The following GSE1 variants were observed in gnomAD, a reference collection of about 807,000 sequenced individuals.
GSE1 encodes genetic suppressor element 1.
Under a neutral mutation model 112.6 loss-of-function variants are expected in GSE1, and 32 were observed. The observed-to-expected ratio is 0.28, with a 90% CI of 0.21 to 0.38. GSE1 has a LOEUF of 0.38. Among genes scored for constraint, GSE1 ranks in the 10% least tolerant of loss-of-function variants. The probability of loss-of-function intolerance (pLI) is 1.00; values close to 1 mark genes in which losing one functional copy is unlikely to be tolerated. For missense variants in GSE1, 2,348 were observed against 1,699.2 expected, an observed-to-expected ratio of 1.38 and a Z score of -6.71; for synonymous variants, 1,115 against 735.6, an observed-to-expected ratio of 1.52 and a Z score of -8.35.
At chr16:85,349,048 C>T (rs879496161) in intron 1 of GSE1, among the ~76,000 whole-genome samples, 5 of 152,186 alleles carry the variant, frequency 3.3e-5, no homozygotes, top group Admixed American at 6.5e-5. Flanking sequence ...CTCTCCCGCG[C>T]GATCTGCCGT....
intron 2 of GSE1, among the ~76,000 whole-genome samples, chr16:85,378,342 C>T (rs920273424): frequency 6.6e-6 from 1 of 152,180 alleles, no homozygotes; most frequent in Non-Finnish European, 1.5e-5. Flanking sequence ...TTGGGGCAGC[C>T]TCCTGGGGGC....
At chr16:85,534,572 G>A (rs929599047) in intron 2 of GSE1, among the ~76,000 whole-genome samples, 1 of 152,152 alleles carries the variant, frequency 6.6e-6, no homozygotes. Context: ...TTTTAAGGCA[G>A]AGCCATCTTC....
At chr16:85,275,944 G>C (rs1277149646) in intron 1 of GSE1, among the ~76,000 whole-genome samples, 3 of 152,244 alleles carry the variant, frequency 2.0e-5, no homozygotes, top group Non-Finnish European at 2.9e-5. Context: ...CAGAGCTATA[G>C]GCAAAGTCAG....
intron 2 of GSE1, among the ~76,000 whole-genome samples, chr16:85,477,564 T>TG (rs2050497318): frequency 1.8e-5 from 2 of 110,628 alleles, no homozygotes; most frequent in South Asian, 5.5e-4. Flanking sequence ...GGTTTTTTTT[T>TG]TGTTTTTTTT....
intron 2 of GSE1, among the ~76,000 whole-genome samples, chr16:85,381,077 C>G (rs2047536352): frequency 6.6e-6 from 1 of 152,240 alleles, no homozygotes; most frequent in African/African-American, 2.4e-5. Flanking sequence ...AAAAGGAAAT[C>G]CCAGACGCAT....
intron 1 of GSE1, among the ~76,000 whole-genome samples, chr16:85,581,500 T>TGTTTCTG (rs145406198): frequency 0.032 from 4,850 of 152,234 alleles, 254 homozygotes; most frequent in African/African-American, 0.11. Flanking sequence ...TCAGGCCCTC[T>TGTTTCTG]GTTTCTGGAG....
At chr16:85,177,118 A>G (rs1160444340) in intron 1 of GSE1, among the ~76,000 whole-genome samples, 1 of 152,226 alleles carries the variant, frequency 6.6e-6, no homozygotes, top group East Asian at 1.9e-4. Flanking sequence ...GGAGAAAACC[A>G]GGGGAAGGAG....
intron 2 of GSE1, among the ~76,000 whole-genome samples, chr16:85,640,549 C>T (rs1461051000): frequency 6.6e-6 from 1 of 152,154 alleles, no homozygotes; most frequent in Non-Finnish European, 1.5e-5. Context: ...CTGTCCTGTC[C>T]CTGGTGCCAC....
rs1027282188 is a variant in GSE1, at chr16:85,519,725, C to T, written c.2465-114189C>T. Among the ~76,000 whole-genome samples, 4 of 146,000 alleles carry T rather than the reference C, an allele frequency of 2.7e-5. No individual in the cohort carries two copies. The South Asian group carries it at 8.9e-4, about 33-fold the overall frequency. The stretch of plus-strand genomic sequence containing the variant: ...GTCTCCATCACTGTCATCATCATCA[C>T]CATCACCATCACCACCATCAGCATC... On this transcript the variant is annotated intron_variant, in intron 2 of 2. Transcript: ENST00000637419.
chr16:85,398,016 G>A (rs2048008310), intron 2 of GSE1, among the ~76,000 whole-genome samples: 2 of 152,178 alleles, frequency 1.3e-5, no homozygotes. Context: ...AGACCTTGGT[G>A]TATTCTCAGA....
chr16:85,669,547 C>T (rs916118899), intron 14 of GSE1, among the ~76,000 whole-genome samples: 4 of 152,194 alleles, frequency 2.6e-5, no homozygotes, highest in South Asian at 2.1e-4. Flanking sequence ...TGCGCACCAC[C>T]CCCTACATGT....
chr16:85,473,226 G>A (rs983985234), intron 2 of GSE1, among the ~76,000 whole-genome samples: 1 of 152,250 alleles, frequency 6.6e-6, no homozygotes, highest in Non-Finnish European at 1.5e-5. Context: ...AAAAGGTACA[G>A]GTCCCTGGCC....
chr16:85,343,701 G>C (rs924935797), intron 1 of GSE1, among the ~76,000 whole-genome samples: 1 of 152,172 alleles, frequency 6.6e-6, no homozygotes, highest in Non-Finnish European at 1.5e-5. Context: ...AGTGAGCTAT[G>C]ATTGCACCAC....
intron 2 of GSE1, among the ~76,000 whole-genome samples, chr16:85,538,881 T>C (rs1447620086): frequency 2.0e-5 from 3 of 152,038 alleles, no homozygotes; most frequent in Non-Finnish European, 4.4e-5. Flanking sequence ...CCAGTCCCTC[T>C]CCAGCCCCCA....
At chr16:85,648,852 C>G (rs1598571636) in intron 3 of GSE1, 101 bp downstream of exon 3, 1 of 620,104 alleles carries the variant, frequency 1.6e-6, no homozygotes, top group East Asian at 3.1e-5. Flanking sequence ...AGTTTACATT[C>G]CAGACACCCC....
intron 2 of GSE1, among the ~76,000 whole-genome samples, chr16:85,639,535 C>T (rs1475315316): frequency 1.3e-5 from 2 of 152,254 alleles, no homozygotes; most frequent in Non-Finnish European, 2.9e-5. Flanking sequence ...TCGGGATCCC[C>T]CCATCATCCC....
intron 2 of GSE1, among the ~76,000 whole-genome samples, chr16:85,504,817 G>A (rs2051484013): frequency 6.6e-6 from 1 of 152,156 alleles, no homozygotes; most frequent in African/African-American, 2.4e-5. Context: ...TAGGGTGGAT[G>A]GGGGGTGCTC....
intron 2 of GSE1, chr16:85,490,629 A>G (rs932171109): frequency 6.6e-6 from 1 of 152,152 alleles, no homozygotes; most frequent in Non-Finnish European, 1.5e-5. Flanking sequence ...GGAGGCGGCC[A>G]CACCACGAGT....
At chr16:85,388,336 A>T (rs2047746927) in intron 2 of GSE1, among the ~76,000 whole-genome samples, 1 of 41,318 alleles carries the variant, frequency 2.4e-5, no homozygotes, top group Non-Finnish European at 4.9e-5. Context: ...GGATGAATGG[A>T]TGTATGGCTG....
Sources: gnomAD v4.1 joint callset for allele counts (sites outside exome capture counted in the v4.1 genomes callset) on GRCh38, gnomAD v4.1.1 for gene constraint, MANE v1.5 for transcripts, NCBI Gene and HGNC (gene_info 2026-07-23, HGNC 2026-07-21) for gene names.